The following BMPR1A variants were observed in gnomAD, a reference collection of about 807,000 sequenced individuals.
BMPR1A encodes the protein bone morphogenetic protein receptor type-1A.
A neutral mutation model predicts 66.0 loss-of-function variants in BMPR1A; 7 were observed. The ratio of observed to expected loss-of-function variants is 0.11; its 90% CI spans 0.06 to 0.20. The LOEUF (loss-of-function observed/expected upper bound fraction) is 0.20, where lower values mean the gene tolerates loss of function less well. Ranked by LOEUF, BMPR1A falls within the 10% of genes least tolerant of loss-of-function variation. The pLI is 1.00. For synonymous variants in BMPR1A, 200 were observed against 229.7 expected (o/e 0.87, Z 1.17); for missense variants, 408 against 669.1 (o/e 0.61, Z 4.31).
chr10:86,824,704 T>C (rs770615272), intron 1 of BMPR1A, among the ~76,000 whole-genome samples: 1 of 152,222 alleles, frequency 6.6e-6, no homozygotes, highest in Non-Finnish European at 1.5e-5. Context: ...TGCACACATA[T>C]TGGGTGGGTG....
intron 10 of BMPR1A, among the ~76,000 whole-genome samples, chr10:86,920,845 CCTTTT>C (rs1373655608): frequency 1.4e-5 from 2 of 147,758 alleles, no homozygotes; most frequent in African/African-American, 5.0e-5. Flanking sequence ...TTTTTTTTTT[CCTTTT>C]CTTTTCTTTT....
intron 2 of BMPR1A, chr10:86,854,927 CTTTTTCTTTTTTTT>C (rs964455549): frequency 2.3e-5 from 4 of 170,348 alleles, no homozygotes; most frequent in South Asian, 1.8e-4. Context: ...CTTTTTTTTT[CTTTTTCTTTTTTTT>C]TTTTTTTCTT....
Position 86,792,060 on chromosome 10 carries a change from G to A in BMPR1A, c.-268+35141G>A, listed in dbSNP as rs1289661053. On this transcript the variant is annotated intron_variant, in intron 1 of 12. Transcript: ENST00000372037. The stretch of plus-strand genomic sequence containing the variant: ...CCTTTAATGTTGTTAATTACTGTCA[G>A]ATCTTTTTTTTTTTTTTTTTTTTTT... Among the ~76,000 whole-genome samples, 3 of 134,948 alleles carry A rather than the reference G, an allele frequency of 2.2e-5. No homozygotes were observed. In the East Asian group the frequency reaches 7.6e-4, roughly 34 times the overall value. 88.5% of individuals were successfully genotyped at this position (134,948 alleles called of 152,430 possible). A position where few individuals can be genotyped will look rare whatever the true frequency, so the allele number is the denominator to read the frequency against.
At chr10:86,800,465 C>T (rs1841796509) in intron 1 of BMPR1A, among the ~76,000 whole-genome samples, 2 of 152,264 alleles carry the variant, frequency 1.3e-5, no homozygotes, top group African/African-American at 4.8e-5. Flanking sequence ...GAAATCGGCT[C>T]ACCGCAACCT....
intron 1 of BMPR1A, among the ~76,000 whole-genome samples, chr10:86,815,475 CTTTGCACCA>C (rs1842024458): frequency 6.6e-6 from 1 of 152,148 alleles, no homozygotes; most frequent in African/African-American, 2.4e-5. Context: ...GCTATAGGCC[CTTTGCACCA>C]TCTGCATCTT....
intron 1 of BMPR1A, among the ~76,000 whole-genome samples, chr10:86,820,244 C>T (rs1020975154): frequency 6.6e-6 from 1 of 152,112 alleles, no homozygotes; most frequent in Non-Finnish European, 1.5e-5. Context: ...GGTTTTGCCA[C>T]GTTGCCATGG....
rs1415921199 is a variant in BMPR1A, at chr10:86,927,143, A to G, written c.*3424A>G. 1 of 186,742 alleles carries G rather than the reference A, an allele frequency of 5.4e-6. No individual in the cohort carries two copies. The highest frequency in any genetic ancestry group is 2.3e-5 in the African/African-American group (1 of 42,716). 11.6% of individuals were successfully genotyped at this position (186,742 alleles called of 1,614,324 possible). Reference sequence around the variant, plus strand: ...ATTTTGATTTACTCTAACAATCAGTACTTTTCTTCAGATGCTTTGTTCTGT... The same window carrying G: ...ATTTTGATTTACTCTAACAATCAGTGCTTTTCTTCAGATGCTTTGTTCTGT... On this transcript the variant is annotated 3_prime_UTR_variant, in exon 13 of 13. Transcript: ENST00000372037.
chr10:86,919,678 G>A (rs1843633001), intron 10 of BMPR1A, among the ~76,000 whole-genome samples: 1 of 149,350 alleles, frequency 6.7e-6, no homozygotes, highest in South Asian at 2.1e-4. Context: ...ATATTTTTTT[G>A]GTGTTTTTTT....
chr10:86,907,036 G>A (rs1457894509), intron 7 of BMPR1A, among the ~76,000 whole-genome samples: 3 of 151,528 alleles, frequency 2.0e-5, no homozygotes, highest in African/African-American at 4.9e-5. Context: ...ATTCCTGTCT[G>A]ACTTCATTTT....
chr10:86,778,689 G>A (rs1418774568), intron 1 of BMPR1A, among the ~76,000 whole-genome samples: 2 of 152,076 alleles, frequency 1.3e-5, no homozygotes, highest in South Asian at 4.1e-4. Context: ...TAAAGTACTA[G>A]AATTTATTCC....
At chr10:86,919,735 T>C (rs1269830125) in intron 10 of BMPR1A, among the ~76,000 whole-genome samples, 1 of 152,048 alleles carries the variant, frequency 6.6e-6, no homozygotes. Flanking sequence ...AAAGACAGTG[T>C]CTCACTCAGT....
At chr10:86,872,258 T>C (rs1003952539) in intron 2 of BMPR1A, among the ~76,000 whole-genome samples, 2 of 152,232 alleles carry the variant, frequency 1.3e-5, no homozygotes, top group African/African-American at 4.8e-5. Flanking sequence ...GTTGTAAACA[T>C]GGATGAGAGG....
intron 7 of BMPR1A, among the ~76,000 whole-genome samples, chr10:86,907,829 TGAAGATG>T (rs1344265220): frequency 6.6e-6 from 1 of 152,074 alleles, no homozygotes; most frequent in Non-Finnish European, 1.5e-5. Flanking sequence ...GGAGGTTGGA[TGAAGATG>T]GATGGATGAA....
intron 3 of BMPR1A, among the ~76,000 whole-genome samples, chr10:86,882,662 G>GAA (rs372324110): frequency 6.2e-5 from 8 of 129,030 alleles, no homozygotes; most frequent in African/African-American, 1.4e-4. Context: ...CTACTTTTAG[G>GAA]AAAAAAAAAA....
chr10:86,900,188 T>C, intron 7 of BMPR1A, 62 bp downstream of exon 7: 1 of 1,512,834 alleles, frequency 6.6e-7, no homozygotes, highest in Non-Finnish European at 9.1e-7. Flanking sequence ...AACCGCTGTT[T>C]GTAAAGCCAG....
downstream of BMPR1A, chr10:86,931,313 A>ATATATATATATATATATATT (rs368438719): frequency 2.3e-5 from 3 of 133,060 alleles, no homozygotes; most frequent in African/African-American, 9.3e-5. Flanking sequence ...ATATATATAT[A>ATATATATATATATATATATT]TTCAAGCAAT....
chr10:86,862,567 G>A (rs896706077), intron 2 of BMPR1A, among the ~76,000 whole-genome samples: 1 of 152,296 alleles, frequency 6.6e-6, no homozygotes, highest in East Asian at 1.9e-4. Context: ...GGAAGCAGGA[G>A]GCCAGTTAGG....
intron 1 of BMPR1A, among the ~76,000 whole-genome samples, chr10:86,791,528 AAC>A (rs757540030): frequency 6.6e-6 from 1 of 151,674 alleles, no homozygotes; most frequent in African/African-American, 2.4e-5. Context: ...GCTTTCTTGA[AAC>A]ACACGCACAG....
chr10:86,896,165 G>GAA (rs35504090), intron 5 of BMPR1A, among the ~76,000 whole-genome samples: 2 of 103,764 alleles, frequency 1.9e-5, no homozygotes, highest in Non-Finnish European at 4.4e-5. Flanking sequence ...AAAAAGAAAA[G>GAA]AAAAAAAAAA....
Sources: allele counts gnomAD v4.1 joint callset (sites outside exome capture counted in the v4.1 genomes callset), GRCh38; gene constraint gnomAD v4.1.1; transcripts MANE v1.5; gene names NCBI Gene and HGNC (gene_info 2026-07-23, HGNC 2026-07-21).